EVI5: variants seen among roughly 807,000 people sequenced by gnomAD.
EVI5 encodes the protein ecotropic viral integration site 5 protein homolog.
In EVI5, 73 loss-of-function variants were observed where a neutral mutation model predicts 112.0. The observed-to-expected ratio is 0.65, with a 90% CI of 0.54 to 0.79. The LOEUF (loss-of-function observed/expected upper bound fraction) is 0.79. EVI5 is among the 30% of genes least tolerant of loss of function. EVI5 has a pLI of 0.00. For missense variants in EVI5, 900 were observed against 968.8 expected, an observed-to-expected ratio of 0.93 and a Z score of 0.94; for synonymous variants, 305 against 319.9, an observed-to-expected ratio of 0.95 and a Z score of 0.50.
chr1:92,736,680 C>G, intron 1 of EVI5, 53 bp from the exon 2 acceptor site: 3 of 1,112,222 alleles, frequency 2.7e-6, no homozygotes, highest in Admixed American at 1.7e-5. Flanking sequence ...TATTCATTAC[C>G]GAGAACTTAA....
chr1:92,747,573 G>C (rs1460857560), intron 1 of EVI5, among the ~76,000 whole-genome samples: 2 of 151,934 alleles, frequency 1.3e-5, no homozygotes, highest in Non-Finnish European at 2.9e-5. Context: ...AATTAGCCGG[G>C]AGTGATGTTG....
At chr1:92,603,266 T>C (rs565541665) in intron 18 of EVI5, among the ~76,000 whole-genome samples, 32 of 152,324 alleles carry the variant, frequency 2.1e-4, no homozygotes, top group African/African-American at 7.7e-4. Context: ...TGTAAAATGG[T>C]GTAGGTTCTG....
chr1:92,585,995 T>C (rs574322368), intron 18 of EVI5, among the ~76,000 whole-genome samples: 1 of 152,278 alleles, frequency 6.6e-6, no homozygotes, highest in African/African-American at 2.4e-5. Flanking sequence ...TCATTACTAT[T>C]CAGGTATTTT....
At chr1:92,742,588 G>A (rs941540901) in intron 1 of EVI5, among the ~76,000 whole-genome samples, 1 of 151,880 alleles carries the variant, frequency 6.6e-6, no homozygotes, top group Non-Finnish European at 1.5e-5. Flanking sequence ...CAGGAGAATC[G>A]CTTGAACGCA....
In EVI5 at chr1:92,561,660, T is replaced by A. The variant is rs1044490886; in HGVS notation, c.2166+1982A>T. ...ATCTATCTATCTATCTATCTATCTA[T>A]CTATCAGAGTCTCACTCTGCTGCCT... On this transcript the variant is annotated intron_variant, in intron 19 of 19. Transcript: ENST00000684568. 2.3e-3 allele frequency among the ~76,000 whole-genome samples: 284 copies of A among 125,002 alleles called. 5 individuals carry two copies. The highest frequency in any genetic ancestry group is 0.022 in the Admixed American group (269 of 12,424). 82.0% of individuals were successfully genotyped at this position (125,002 alleles called of 152,430 possible).
intron 17 of EVI5, among the ~76,000 whole-genome samples, 180 bp from the exon 18 acceptor site, chr1:92,605,582 C>A (rs1394600454): frequency 6.6e-6 from 1 of 152,158 alleles, no homozygotes; most frequent in Non-Finnish European, 1.5e-5. Flanking sequence ...TAAATGTTCA[C>A]ATCAAGTGGA....
intron 18 of EVI5, among the ~76,000 whole-genome samples, chr1:92,564,829 A>G (rs528058610): frequency 6.6e-6 from 1 of 152,032 alleles, no homozygotes; most frequent in East Asian, 1.9e-4. Context: ...ACAGGTGCCC[A>G]GCACTGCGCC....
At chr1:92,772,407 T>C (rs184398467) in intron 1 of EVI5, among the ~76,000 whole-genome samples, 43 of 150,452 alleles carry the variant, frequency 2.9e-4, no homozygotes, top group East Asian at 2.3e-3. Flanking sequence ...CCATCCTGGC[T>C]AACACAGTGA....
At chr1:92,775,384 G>A (rs961253399) in intron 1 of EVI5, among the ~76,000 whole-genome samples, 5 of 150,300 alleles carry the variant, frequency 3.3e-5, no homozygotes, top group Admixed American at 1.3e-4. Context: ...CTGAGATAGC[G>A]CCACTGCACT....
intron 9 of EVI5, among the ~76,000 whole-genome samples, chr1:92,693,517 C>T (rs1330026854): frequency 6.6e-6 from 1 of 151,990 alleles, no homozygotes; most frequent in Admixed American, 6.5e-5. Context: ...AATGGGACCA[C>T]ACCAGAAAAG....
chr1:92,687,262 C>A (rs1271114874), intron 9 of EVI5, among the ~76,000 whole-genome samples: 1 of 152,136 alleles, frequency 6.6e-6, no homozygotes, highest in Non-Finnish European at 1.5e-5. Context: ...TGCTCTTTGA[C>A]AAACCTGACA....
At chr1:92,635,795 C>T (rs1371920679) in intron 14 of EVI5, among the ~76,000 whole-genome samples, 2 of 152,146 alleles carry the variant, frequency 1.3e-5, no homozygotes, top group Non-Finnish European at 2.9e-5. Flanking sequence ...CTTGGCTCCA[C>T]CCGCTCAGAT....
chr1:92,626,028 T>A (rs1276173696), intron 14 of EVI5, 94 bp from the exon 15 acceptor site: 1 of 721,750 alleles, frequency 1.4e-6, no homozygotes, highest in African/African-American at 1.8e-5. Flanking sequence ...TTAAATGTAT[T>A]TAATTTTATA....
rs1028694651 is a variant in EVI5, at chr1:92,692,570, T to A, written c.1097+1232A>T. On this transcript the variant is annotated intron_variant, in intron 9 of 19. Coordinates refer to ENST00000684568, the MANE Select transcript of EVI5 (RefSeq NM_001350197.2). ...ATTAGAGCTAACTTTTTAATTTTTT[T>A]AAAAGAGATAAGGTATCACTATGTT... is the stretch of plus-strand genomic sequence containing the variant. Among the ~76,000 whole-genome samples the A allele has an allele frequency of 1.2e-3, 182 of 152,304 alleles. 1 individual carries two copies. Among genetic ancestry groups the A allele is most frequent in the African/African-American group, 4.1e-3 (172 of 41,562 alleles).
intron 19 of EVI5, among the ~76,000 whole-genome samples, chr1:92,542,627 G>A (rs934996247): frequency 1.3e-5 from 2 of 152,192 alleles, no homozygotes; most frequent in Non-Finnish European, 2.9e-5. Context: ...ATAACCTGCT[G>A]CTTCTACATC....
intron 14 of EVI5, among the ~76,000 whole-genome samples, chr1:92,632,350 A>G (rs1300852067): frequency 6.6e-6 from 1 of 152,150 alleles, no homozygotes; most frequent in Non-Finnish European, 1.5e-5. Context: ...TTATTGCCTC[A>G]ATTTCAGAGC....
chr1:92,636,254 T>A lies in EVI5; in HGVS notation c.1475A>T (p.Glu492Val), dbSNP rs1658802978. The A allele has an allele frequency of 6.2e-7, 1 of 1,613,478 alleles. No individual in the cohort carries two copies. Among genetic ancestry groups the A allele is most frequent in the Middle Eastern group, 1.6e-4 (1 of 6,062 alleles). The change falls in exon 14 of 20, where the codon GAG becomes GTG. Residue 492 changes from glutamate to valine, a missense_variant. By Grantham distance (121) the Glu-to-Val change is moderately radical. Transcript: ENST00000684568. ...ELVQARLSEA[E>V]SQCALKEMQD... ...CATCTCTTTTAATGCACACTGAGAC[T>A]CAGCTTCACTCAGTCGGGCTTGGAC...
intron 9 of EVI5, among the ~76,000 whole-genome samples, chr1:92,681,869 C>T (rs201002408): frequency 3.3e-5 from 5 of 152,294 alleles, no homozygotes; most frequent in Middle Eastern, 3.4e-3. Context: ...GTAATGGCTA[C>T]CACAGTAGAT....
At chr1:92,769,235 G>A (rs1683051163) in intron 1 of EVI5, among the ~76,000 whole-genome samples, 1 of 152,102 alleles carries the variant, frequency 6.6e-6, no homozygotes, top group African/African-American at 2.4e-5. Flanking sequence ...GAAGAAAATG[G>A]AAGTCCAAGT....
Sources: allele counts gnomAD v4.1 joint callset (sites outside exome capture counted in the v4.1 genomes callset), GRCh38; gene constraint gnomAD v4.1.1; transcripts MANE v1.5; gene names NCBI Gene and HGNC (gene_info 2026-07-23, HGNC 2026-07-21).